The following GRK4 variants were observed in gnomAD, a reference collection of about 807,000 sequenced individuals.
GRK4 encodes the protein G protein-coupled receptor kinase 4, also known as G protein-coupled receptor kinase 2-like.
A neutral mutation model predicts 77.9 loss-of-function variants in GRK4; 73 were observed. That is an observed-to-expected ratio of 0.94 (90% CI 0.78 to 1.14). GRK4 has a LOEUF of 1.14. Ranked by LOEUF, GRK4 falls within the 50% of genes most tolerant of loss-of-function variation. The pLI is 0.00. For missense variants in GRK4, 729 were observed against 700.2 expected, an observed-to-expected ratio of 1.04 and a Z score of -0.46; for synonymous variants, 257 against 254.4, an observed-to-expected ratio of 1.01 and a Z score of -0.10.
intron 5 of GRK4, among the ~76,000 whole-genome samples, chr4:3,005,768 T>G (rs1731135622): frequency 2.0e-5 from 3 of 152,060 alleles, no homozygotes; most frequent in Admixed American, 1.3e-4. Flanking sequence ...TGTACTCCAC[T>G]GTACTCCAGC....
At chr4:3,017,721 G>A (rs147987706) in intron 8 of GRK4, among the ~76,000 whole-genome samples, 19 of 152,216 alleles carry the variant, frequency 1.2e-4, no homozygotes, top group South Asian at 1.0e-3. Flanking sequence ...AATTTATCAC[G>A]TTACCAGAAT....
intron 6 of GRK4, among the ~76,000 whole-genome samples, chr4:3,008,679 G>A (rs1732014732): frequency 6.6e-6 from 1 of 151,928 alleles, no homozygotes; most frequent in Admixed American, 6.6e-5. Context: ...GCATGCACCT[G>A]TACTCCCAGC....
At chr4:2,973,355 T>A (rs919674198) in intron 1 of GRK4, among the ~76,000 whole-genome samples, 1 of 152,186 alleles carries the variant, frequency 6.6e-6, no homozygotes, top group Non-Finnish European at 1.5e-5. Flanking sequence ...CTCATTCCCT[T>A]GTGATCTTGT....
intron 13 of GRK4, 33 bp downstream of exon 13, chr4:3,035,556 G>C (rs1362404172): frequency 1.3e-6 from 2 of 1,595,022 alleles, no homozygotes; most frequent in Admixed American, 3.6e-5. Flanking sequence ...CAGGGCCCTA[G>C]GAACAGTGAT....
At position 3,001,324 on chromosome 4, in the gene GRK4, TATACAC is replaced by T. The variant is rs1225077448; in HGVS notation, c.340-2905_340-2900del. Among the ~76,000 whole-genome samples, 5 of 137,068 alleles carry T rather than the reference TATACAC, an allele frequency of 3.6e-5. 1 individual carries two copies. The highest frequency in any genetic ancestry group is 1.4e-4 in the African/African-American group (5 of 34,646). The allele number at this position is 137,068 out of a possible 152,430, so 89.9% of individuals were successfully genotyped here. On this transcript the variant is annotated intron_variant, in intron 4 of 15. Coordinates refer to ENST00000398052, the MANE Select transcript of GRK4 (RefSeq NM_182982.3). ...ATGTATATATGTGTGTGTGAGTACA[TATACAC>T]ACACACACACACACACACACACACA...
chr4:3,011,068 A>G (rs1732778516), intron 7 of GRK4, among the ~76,000 whole-genome samples: 1 of 152,208 alleles, frequency 6.6e-6, no homozygotes, highest in Admixed American at 6.5e-5. Context: ...GTCCTAGAAC[A>G]GGAAAGTCAT....
In GRK4 at chr4:3,037,418, C is replaced by G; in HGVS notation, c.1452C>G (p.Phe484Leu). Residue 484 changes from phenylalanine (F) to leucine (L), a missense_variant, in exon 14 of 16, where the codon TTC becomes TTG. Phe to Leu is a conservative substitution (Grantham distance 22, BLOSUM62 0). Transcript: ENST00000398052. ...YCKDVLDIEQFSVVKGIYLDT... is the reference protein window; with the variant it reads ...YCKDVLDIEQLSVVKGIYLDT... ...AGGACGTCCTGGATATCGAGCAGTTCTCGGTGGTGAAAGGGATCTACCTGG... is the reference window on the plus strand; with the variant it reads ...AGGACGTCCTGGATATCGAGCAGTTGTCGGTGGTGAAAGGGATCTACCTGG... 2 of 1,611,412 alleles carry G rather than the reference C, an allele frequency of 1.2e-6. No individual in the cohort carries two copies. The highest frequency in any genetic ancestry group is 1.7e-6 in the Non-Finnish European group (2 of 1,177,858).
chr4:3,014,668 G>A (rs1185639319), intron 8 of GRK4, among the ~76,000 whole-genome samples: 3 of 151,998 alleles, frequency 2.0e-5, no homozygotes, highest in Non-Finnish European at 4.4e-5. Flanking sequence ...CTGGTGGCGC[G>A]TGCCTGTAGT....
intron 3 of GRK4, among the ~76,000 whole-genome samples, chr4:2,989,425 T>G (rs551810779): frequency 2.6e-5 from 4 of 152,278 alleles, no homozygotes; most frequent in Admixed American, 1.3e-4. Context: ...TTATTTTTTA[T>G]TTTTTTGAAA....
chr4:3,000,690 G>A (rs747962473), intron 4 of GRK4, among the ~76,000 whole-genome samples: 5 of 151,588 alleles, frequency 3.3e-5, no homozygotes, highest in South Asian at 2.1e-4. Context: ...TCAGTCTCCC[G>A]AGTAGCTGGG....
intron 12 of GRK4, among the ~76,000 whole-genome samples, chr4:3,030,856 T>A (rs975292335): frequency 6.6e-6 from 1 of 152,140 alleles, no homozygotes; most frequent in East Asian, 1.9e-4. Context: ...CATGAAGCCA[T>A]CGCAGGGCTC....
chr4:2,992,400 C>T (rs911461919), intron 4 of GRK4, 108 bp downstream of exon 4: 4 of 713,144 alleles, frequency 5.6e-6, no homozygotes, highest in Admixed American at 4.5e-5. Context: ...TTTAATTTGG[C>T]TGGGTGTGAT....
At chr4:3,016,916 CT>C (rs1578273893) in intron 8 of GRK4, among the ~76,000 whole-genome samples, 1 of 152,182 alleles carries the variant, frequency 6.6e-6, no homozygotes, top group African/African-American at 2.4e-5. Context: ...TGTTTTCTCC[CT>C]GCTTAACCTA....
intron 1 of GRK4, among the ~76,000 whole-genome samples, chr4:2,967,278 A>G (rs1482350914): frequency 1.3e-5 from 2 of 152,264 alleles, no homozygotes; most frequent in Non-Finnish European, 2.9e-5. Flanking sequence ...GTCTAAACAG[A>G]AGATTGTTAG....
At chr4:3,038,034 G>T (rs1741316502) in intron 14 of GRK4, among the ~76,000 whole-genome samples, 1 of 152,150 alleles carries the variant, frequency 6.6e-6, no homozygotes, top group African/African-American at 2.4e-5. Context: ...TGGTCCCAAT[G>T]ACAGGAAGTG....
In GRK4 at chr4:3,009,652, C is replaced by G. The variant is rs186623846; in HGVS notation, c.541C>G (p.Pro181Ala). ...FLQWKWLERQ[P>A]VTKNTFRHYR... The stretch of plus-strand genomic sequence containing the variant: ...CTTGTTTTTCTCATTGATTAGGCAA[C>G]CCGTAACAAAGAACACATTTAGACA... Residue 181 changes from proline to alanine, a missense_variant, in exon 7 of 16, where the codon CCC becomes GCC. Physicochemically the swap from Pro to Ala is conservative, Grantham distance 27. Transcript: ENST00000398052. 6.2e-7 allele frequency: 1 copy of G among 1,613,000 alleles called. No individual in the cohort carries two copies. Among genetic ancestry groups the G allele is most frequent in the Admixed American group, 1.7e-5 (1 of 59,936 alleles).
chr4:2,990,002 G>C (rs1397021368), intron 3 of GRK4, among the ~76,000 whole-genome samples: 1 of 152,010 alleles, frequency 6.6e-6, no homozygotes, highest in Admixed American at 6.6e-5. Context: ...AATTGTATCG[G>C]CAAATATGTA....
chr4:3,021,900 C>T (rs1208688209), intron 9 of GRK4, among the ~76,000 whole-genome samples: 1 of 152,194 alleles, frequency 6.6e-6, no homozygotes, highest in African/African-American at 2.4e-5. Context: ...ATGTCTGCCC[C>T]ATCCACCGCT....
At chr4:3,018,559 G>A (rs1735192452) in intron 8 of GRK4, among the ~76,000 whole-genome samples, 1 of 152,060 alleles carries the variant, frequency 6.6e-6, no homozygotes, top group East Asian at 1.9e-4. Context: ...TCTACACTGA[G>A]AACTGTAAAA....
Sources: allele counts gnomAD v4.1 joint callset (sites outside exome capture counted in the v4.1 genomes callset), GRCh38; gene constraint gnomAD v4.1.1; transcripts MANE v1.5; gene names NCBI Gene and HGNC (gene_info 2026-07-23, HGNC 2026-07-21).